CTIF: variants seen among roughly 807,000 people sequenced by gnomAD.
CTIF encodes the protein CBP80/20-dependent translation initiation factor.
A neutral mutation model predicts 66.0 loss-of-function variants in CTIF; 21 were observed. The observed-to-expected ratio is 0.32, with a 90% CI of 0.23 to 0.46. CTIF has a LOEUF of 0.46. Ranked by LOEUF, CTIF falls within the 20% of genes least tolerant of loss-of-function variation. The probability of loss-of-function intolerance (pLI) is 1.00; values close to 1 mark genes in which losing one functional copy is unlikely to be tolerated. For synonymous variants in CTIF, 345 were observed against 326.4 expected (o/e 1.06, Z -0.62); for missense variants, 739 against 812.7 (o/e 0.91, Z 1.10).
At chr18:48,710,803 C>A (rs1470492348) in intron 6 of CTIF, among the ~76,000 whole-genome samples, 1 of 152,168 alleles carries the variant, frequency 6.6e-6, no homozygotes, top group African/African-American at 2.4e-5. Context: ...GAGACCCCAT[C>A]TCTGCAAAAA....
At chr18:48,605,549 A>G (rs1213106495) in intron 1 of CTIF, among the ~76,000 whole-genome samples, 1 of 152,240 alleles carries the variant, frequency 6.6e-6, no homozygotes, top group Non-Finnish European at 1.5e-5. Flanking sequence ...TGCTGCTACC[A>G]TGCTCTAGTG....
intron 9 of CTIF, among the ~76,000 whole-genome samples, chr18:48,792,341 G>A (rs985028270): frequency 3.3e-5 from 5 of 152,218 alleles, no homozygotes; most frequent in Non-Finnish European, 7.3e-5. Context: ...AGGTCAGCGG[G>A]ATGCTGGGAT....
At chr18:48,658,845 T>G (rs919153809) in intron 3 of CTIF, among the ~76,000 whole-genome samples, 2 of 152,134 alleles carry the variant, frequency 1.3e-5, no homozygotes, top group Admixed American at 6.5e-5. Context: ...GAGTGGCCAC[T>G]TGGGTGCTCA....
Position 48,820,918 on chromosome 18 carries a change from G to A in CTIF, c.1527+3542G>A, listed in dbSNP as rs138709150. On this transcript the variant is annotated intron_variant, in intron 10 of 11. Transcript: ENST00000256413. ...AGGCCCCCTTCATTCTGAGGTCCAA[G>A]CTTACTCGGTCCCCACGCTCCTTTA... Among the ~76,000 whole-genome samples the A allele has an allele frequency of 3.0e-3, 454 of 152,336 alleles. 1 individual carries two copies. Among genetic ancestry groups the A allele is most frequent in the Non-Finnish European group, 4.3e-3 (292 of 68,044 alleles).
intron 6 of CTIF, among the ~76,000 whole-genome samples, chr18:48,701,990 C>G (rs1736983484): frequency 6.6e-6 from 1 of 152,138 alleles, no homozygotes; most frequent in Non-Finnish European, 1.5e-5. Context: ...TTTGTTGGCT[C>G]ATGAAATCAA....
At position 48,684,294 on chromosome 18, in the gene CTIF, A is replaced by G. The variant is rs571962317; in HGVS notation, c.507+13550A>G. Among the ~76,000 whole-genome samples the G allele has an allele frequency of 4.6e-4, 70 of 152,290 alleles. 1 individual carries two copies. The highest frequency in any genetic ancestry group is 1.7e-3 in the African/African-American group (69 of 41,560). On this transcript the variant is annotated intron_variant, in intron 6 of 11. Transcript: ENST00000256413. ...ACCTGTCTGTAACTTACAAAAATTA[A>G]ATGATACTGAAAGGCCTGTGACAGA...
At chr18:48,586,226 A>T (rs1160234950) in intron 1 of CTIF, among the ~76,000 whole-genome samples, 1 of 151,742 alleles carries the variant, frequency 6.6e-6, no homozygotes, top group African/African-American at 2.4e-5. Flanking sequence ...GCGGACAGAG[A>T]GCACTTGTTT....
intron 1 of CTIF, among the ~76,000 whole-genome samples, chr18:48,570,068 G>A (rs1452887147): frequency 1.3e-5 from 2 of 152,194 alleles, no homozygotes; most frequent in East Asian, 3.8e-4. Context: ...CAAACACGTG[G>A]CCACGTTGAT....
chr18:48,788,819 G>A (rs1323703640), intron 9 of CTIF, among the ~76,000 whole-genome samples: 1 of 152,184 alleles, frequency 6.6e-6, no homozygotes, highest in Non-Finnish European at 1.5e-5. Context: ...CAGGGTGGGT[G>A]TGAACTCATC....
intron 10 of CTIF, among the ~76,000 whole-genome samples, chr18:48,831,458 A>G (rs2068689237): frequency 6.6e-6 from 1 of 152,228 alleles, no homozygotes; most frequent in African/African-American, 2.4e-5. Context: ...CCTGCTGTAC[A>G]CTGTGACAGC....
At chr18:48,779,517 G>C (rs1265237343) in intron 9 of CTIF, among the ~76,000 whole-genome samples, 1 of 152,220 alleles carries the variant, frequency 6.6e-6, no homozygotes, top group Non-Finnish European at 1.5e-5. Context: ...GAGGAGAGGT[G>C]ACAGGGAAAC....
rs116075322 is a variant in CTIF at position 48,789,028 on chromosome 18, G to A, written c.1371+27339G>A. Among the ~76,000 whole-genome samples, 967 of 152,262 alleles carry A rather than the reference G, an allele frequency of 6.4e-3. 11 individuals carry two copies. Among genetic ancestry groups the A allele is most frequent in the African/African-American group, 0.022 (897 of 41,520 alleles). On this transcript the variant is annotated intron_variant, in intron 9 of 11. Coordinates refer to ENST00000256413, the MANE Select transcript of CTIF (RefSeq NM_014772.3). Reference sequence around the variant, plus strand: ...GTGCTGTGCTGAGCCTGAAGAAGGTGGCAAAGAGCAGGTGTGTGCACGTAG... The same window carrying A: ...GTGCTGTGCTGAGCCTGAAGAAGGTAGCAAAGAGCAGGTGTGTGCACGTAG...
intron 1 of CTIF, among the ~76,000 whole-genome samples, chr18:48,589,588 G>A (rs1361468970): frequency 6.6e-6 from 1 of 152,238 alleles, no homozygotes; most frequent in African/African-American, 2.4e-5. Context: ...AGCTAATGCA[G>A]TGTGGTCCAT....
chr18:48,610,684 C>T (rs2090292277), intron 1 of CTIF, among the ~76,000 whole-genome samples: 1 of 152,262 alleles, frequency 6.6e-6, no homozygotes, highest in South Asian at 2.1e-4. Context: ...TGGCATCTCC[C>T]TTGCCTTCCG....
intron 10 of CTIF, among the ~76,000 whole-genome samples, chr18:48,843,734 C>T (rs956578526): frequency 1.2e-4 from 19 of 152,266 alleles, no homozygotes; most frequent in African/African-American, 4.3e-4. Flanking sequence ...TTACTAATGA[C>T]TTTGAGATGA....
chr18:48,729,213 G>A (rs1224507502), intron 7 of CTIF, among the ~76,000 whole-genome samples: 2 of 152,090 alleles, frequency 1.3e-5, no homozygotes, highest in Non-Finnish European at 2.9e-5. Flanking sequence ...TCTTACCCAG[G>A]GGGTCCAGCA....
At chr18:48,786,701 G>A (rs1232724630) in intron 9 of CTIF, among the ~76,000 whole-genome samples, 1 of 152,188 alleles carries the variant, frequency 6.6e-6, no homozygotes, top group Admixed American at 6.5e-5. Context: ...CTTTGGCCTT[G>A]CCTGTTCTTA....
chr18:48,701,183 G>T (rs1255404757), intron 6 of CTIF, among the ~76,000 whole-genome samples: 1 of 152,130 alleles, frequency 6.6e-6, no homozygotes, highest in Non-Finnish European at 1.5e-5. Context: ...TTTTTCAGGG[G>T]CTGCAGAATG....
At chr18:48,818,361 G>A (rs1160842515) in intron 10 of CTIF, among the ~76,000 whole-genome samples, 2 of 152,212 alleles carry the variant, frequency 1.3e-5, no homozygotes, top group Admixed American at 1.3e-4. Flanking sequence ...TTGGAGGGAA[G>A]GGAGGAGGGG....
Sources: gnomAD v4.1 joint callset for allele counts (sites outside exome capture counted in the v4.1 genomes callset) on GRCh38, gnomAD v4.1.1 for gene constraint, MANE v1.5 for transcripts, NCBI Gene and HGNC (gene_info 2026-07-23, HGNC 2026-07-21) for gene names.